ATG13: variants seen among roughly 807,000 people sequenced by gnomAD.
ATG13 encodes the protein autophagy-related protein 13.
Under a neutral mutation model 65.5 loss-of-function variants are expected in ATG13, and 23 were observed. The observed-to-expected ratio is 0.35, with a 90% CI of 0.25 to 0.50. The LOEUF (loss-of-function observed/expected upper bound fraction) is 0.50. ATG13 is among the 20% of genes least tolerant of loss of function. The pLI is 0.98. For missense variants in ATG13, 566 were observed against 677.0 expected (o/e 0.84, Z 1.82); for synonymous variants, 252 against 245.2 (o/e 1.03, Z -0.26).
At chr11:46,658,459 G>T (rs1484109691) in intron 10 of ATG13, among the ~76,000 whole-genome samples, 1 of 152,124 alleles carries the variant, frequency 6.6e-6, no homozygotes, top group African/African-American at 2.4e-5. Context: ...ACTTTGGGAA[G>T]CTGAGATCTG....
Position 46,673,897 on chromosome 11 carries a change from A to G in ATG13, c.*1565A>G, listed in dbSNP as rs944155760. Reference sequence around the variant, plus strand: ...TGCTTGTTAGTATACTGCATGTGACACTGTTCCCACATACAAGGCTGACTT... The same window carrying G: ...TGCTTGTTAGTATACTGCATGTGACGCTGTTCCCACATACAAGGCTGACTT... On this transcript the variant is annotated 3_prime_UTR_variant, in exon 19 of 19. Coordinates refer to ENST00000683050, the MANE Select transcript of ATG13 (RefSeq NM_001346311.2). 1 of 152,142 alleles carries G rather than the reference A, an allele frequency of 6.6e-6. No homozygotes were observed. Among genetic ancestry groups the G allele is most frequent in the Non-Finnish European group, 1.5e-5 (1 of 68,018 alleles). The allele number at this position is 152,142 out of a possible 1,614,324, so 9.4% of individuals were successfully genotyped here.
chr11:46,626,786 T>G (rs1180701511), intron 1 of ATG13, among the ~76,000 whole-genome samples: 3 of 152,228 alleles, frequency 2.0e-5, no homozygotes, highest in Non-Finnish European at 4.4e-5. Context: ...AGTCTGCTAT[T>G]CTTACATTTA....
At chr11:46,657,945 T>C (rs1592079768) in intron 10 of ATG13, among the ~76,000 whole-genome samples, 1 of 152,130 alleles carries the variant, frequency 6.6e-6, no homozygotes, top group Non-Finnish European at 1.5e-5. Flanking sequence ...AGCACATGCC[T>C]ATAATCCCAG....
rs762589178 is a variant in ATG13 at position 46,672,260 on chromosome 11, A to G, written c.1581A>G (p.Ser527=). 18 of 1,614,060 alleles carry G rather than the reference A, an allele frequency of 1.1e-5. No homozygotes were observed. Among genetic ancestry groups the G allele is most frequent in the African/African-American group, 4.0e-5 (3 of 74,914 alleles). The change falls in exon 19 of 19, where the codon TCA becomes TCG. Residue 527 remains serine, a synonymous_variant. Coordinates refer to ENST00000683050, the MANE Select transcript of ATG13 (RefSeq NM_001346311.2). ...TCCCTCTCTTTCCGGTACAGGACTC[A>G]TTACCAGAGAAGCTGGCTGTGCATG... ...GAQSMAEDLD[S]LPEKLAVHEK...
At chr11:46,656,299 C>T (rs570971602) in intron 8 of ATG13, 26 bp downstream of exon 8, 3 of 1,600,074 alleles carry the variant, frequency 1.9e-6, no homozygotes, top group East Asian at 2.2e-5. Context: ...TGAAAAACAT[C>T]GTAGTGTTCA....
chr11:46,646,229 A>G (rs577832985), intron 5 of ATG13, among the ~76,000 whole-genome samples: 3 of 150,114 alleles, frequency 2.0e-5, no homozygotes, highest in South Asian at 2.1e-4. Flanking sequence ...GCTCACTGCA[A>G]CCTCTGCCTC....
chr11:46,664,059 G>A lies in ATG13; in HGVS notation c.852G>A (p.Leu284=), dbSNP rs747845193. The A allele has an allele frequency of 6.3e-7, 1 of 1,597,240 alleles. No homozygotes were observed. The highest frequency in any genetic ancestry group is 1.3e-5 in the African/African-American group (1 of 74,686). The change falls in exon 12 of 19, where the codon CTG becomes CTA. Residue 284 remains leucine, a synonymous_variant. Coordinates refer to ENST00000683050, the MANE Select transcript of ATG13 (RefSeq NM_001346311.2). ...CTACTCCTGTGGTGACGGACACCCT[G>A]AGGGTCCCCATGGCAGGACTGGCCT... is the stretch of plus-strand genomic sequence containing the variant. ...QTPTPVVTDT[L]RVPMAGLAFS... is the part of the protein sequence containing the mutation.
intron 1 of ATG13, among the ~76,000 whole-genome samples, chr11:46,620,565 C>T (rs891828916): frequency 4.6e-5 from 7 of 151,704 alleles, no homozygotes; most frequent in Admixed American, 1.3e-4. Context: ...CACCTGAGTT[C>T]GGGAGTTTGA....
chr11:46,654,545 A>C (rs1057067561), intron 7 of ATG13, among the ~76,000 whole-genome samples: 1 of 150,934 alleles, frequency 6.6e-6, no homozygotes, highest in Admixed American at 6.6e-5. Flanking sequence ...ACACACCGAG[A>C]CCCTGTCTAT....
In ATG13 at chr11:46,672,865, TTCTC is replaced by T. The variant is rs2064065566; in HGVS notation, c.*539_*542del. 2 of 1,141,282 alleles carry T rather than the reference TTCTC, an allele frequency of 1.8e-6. No individual in the cohort carries two copies. Among genetic ancestry groups the T allele is most frequent in the African/African-American group, 1.6e-5 (1 of 61,908 alleles). The allele number at this position is 1,141,282 out of a possible 1,614,324, so 70.7% of individuals were successfully genotyped here. ...TTCCTGCTATCTTCTTCTCCTCTTCTTCTCTCTCTTGCCTCTATGCCTGTATTTC... is the reference window on the plus strand; with the variant it reads ...TTCCTGCTATCTTCTTCTCCTCTTCTTCTCTTGCCTCTATGCCTGTATTTC... On this transcript the variant is annotated 3_prime_UTR_variant, in exon 19 of 19. Transcript: ENST00000683050.
chr11:46,619,572 T>C (rs1226231457), intron 1 of ATG13, among the ~76,000 whole-genome samples: 2 of 151,604 alleles, frequency 1.3e-5, no homozygotes, highest in African/African-American at 4.8e-5. Flanking sequence ...TTAGTAAAGA[T>C]GGGGTTTCTC....
intron 7 of ATG13, among the ~76,000 whole-genome samples, chr11:46,651,881 G>A (rs181777284): frequency 2.6e-5 from 4 of 152,124 alleles, no homozygotes; most frequent in Admixed American, 6.6e-5. Context: ...TAAAATCATC[G>A]GCTTAGTTAC....
In ATG13 at chr11:46,665,559, C is replaced by T. The variant is rs752478125; in HGVS notation, c.1136+40C>T. 6.2e-6 allele frequency: 10 copies of T among 1,608,722 alleles called. No individual in the cohort carries two copies. The South Asian group carries it at 9.9e-5, about 16-fold the overall frequency. On this transcript the variant is annotated intron_variant, in intron 14 of 18. Coordinates refer to ENST00000683050, the MANE Select transcript of ATG13 (RefSeq NM_001346311.2). ...TGGCTCTGTCTCTGGTAAGGCTGGC[C>T]AGGGGCCTGGGCTCCCTGACACACG...
intron 5 of ATG13, among the ~76,000 whole-genome samples, chr11:46,646,564 A>C (rs918883298): frequency 6.6e-6 from 1 of 151,950 alleles, no homozygotes; most frequent in African/African-American, 2.4e-5. Context: ...CCTGGATTCA[A>C]GCGATTCTGC....
chr11:46,630,812 C>T (rs1421493431), intron 2 of ATG13: 2 of 152,224 alleles, frequency 1.3e-5, no homozygotes, highest in Non-Finnish European at 2.9e-5. Context: ...AGTGATCCTC[C>T]TGCCTTGGCC....
At chr11:46,671,933 G>C (rs760877191) in intron 18 of ATG13, among the ~76,000 whole-genome samples, 2 of 152,334 alleles carry the variant, frequency 1.3e-5, no homozygotes, top group African/African-American at 2.4e-5. Context: ...TTTTATTCTA[G>C]TGTCAGTCAG....
chr11:46,671,734 T>A (rs902675808), intron 18 of ATG13, among the ~76,000 whole-genome samples: 16 of 152,170 alleles, frequency 1.1e-4, no homozygotes, highest in African/African-American at 3.1e-4. Context: ...AGAGCGAGAC[T>A]CTGTCTCAAG....
intron 2 of ATG13, among the ~76,000 whole-genome samples, chr11:46,631,469 G>C (rs1200318255): frequency 6.6e-6 from 1 of 152,222 alleles, no homozygotes; most frequent in Admixed American, 6.5e-5. Context: ...TTGCACTTAA[G>C]TAGTGTGATA....
At chr11:46,633,027 T>TATATA (rs1491210178) in intron 2 of ATG13, among the ~76,000 whole-genome samples, 83 of 81,036 alleles carry the variant, frequency 1.0e-3, no homozygotes, top group Middle Eastern at 6.3e-3. Context: ...TATATATATA[T>TATATA]TTTTTTTTTT....
Sources: gnomAD v4.1 joint callset for allele counts (sites outside exome capture counted in the v4.1 genomes callset) on GRCh38, gnomAD v4.1.1 for gene constraint, MANE v1.5 for transcripts, NCBI Gene and HGNC (gene_info 2026-07-23, HGNC 2026-07-21) for gene names.